Variants in CNTN5 observed in about 807,000 individuals in gnomAD.
CNTN5 encodes contactin 5.
A neutral mutation model predicts 129.1 loss-of-function variants in CNTN5; 77 were observed. That is an observed-to-expected ratio of 0.60 (90% CI 0.50 to 0.72). CNTN5 has a LOEUF of 0.72. Ranked by LOEUF, CNTN5 falls within the 30% of genes least tolerant of loss-of-function variation. The pLI, the probability that CNTN5 is intolerant of heterozygous loss-of-function variation, is 0.00. For missense variants in CNTN5, 1,478 were observed against 1,328.8 expected (o/e 1.11, Z -1.75); for synonymous variants, 509 against 465.6 (o/e 1.09, Z -1.20).
At chr11:100,132,015 A>C (rs1946393234) in intron 13 of CNTN5, among the ~76,000 whole-genome samples, 1 of 152,098 alleles carries the variant, frequency 6.6e-6, no homozygotes, top group Non-Finnish European at 1.5e-5. Flanking sequence ...TTAGAGAGAC[A>C]ACAGATTCAT....
At chr11:99,114,053 CA>C (rs1857924649) in intron 1 of CNTN5, among the ~76,000 whole-genome samples, 1 of 152,082 alleles carries the variant, frequency 6.6e-6, no homozygotes, top group African/African-American at 2.4e-5. Context: ...TAGTCCTTGT[CA>C]GTAGTGATTT....
chr11:99,379,535 A>G (rs11219682), intron 2 of CNTN5, among the ~76,000 whole-genome samples: 33,594 of 152,134 alleles, frequency 0.22, 3,695 homozygotes, highest in South Asian at 0.32. Flanking sequence ...TGAAAGTTGT[A>G]TTCTGACCCA....
intron 18 of CNTN5, among the ~76,000 whole-genome samples, chr11:100,274,918 A>G (rs1027366154): frequency 4.6e-5 from 7 of 152,350 alleles, no homozygotes; most frequent in Non-Finnish European, 8.8e-5. Context: ...CTGGGTGATG[A>G]AATAATCTGT....
chr11:100,201,704 G>C (rs1411694658), intron 15 of CNTN5, among the ~76,000 whole-genome samples: 2 of 151,926 alleles, frequency 1.3e-5, no homozygotes, highest in African/African-American at 4.8e-5. Context: ...GATAACTAAT[G>C]TGTCAACTTT....
chr11:100,165,365 C>T (rs1480748103), intron 13 of CNTN5, among the ~76,000 whole-genome samples: 1 of 151,576 alleles, frequency 6.6e-6, no homozygotes, highest in Non-Finnish European at 1.5e-5. Context: ...ATAGCAGGTG[C>T]TCAATAAGTA....
intron 1 of CNTN5, among the ~76,000 whole-genome samples, chr11:99,064,391 G>C (rs1865016519): frequency 6.6e-6 from 1 of 152,058 alleles, no homozygotes; most frequent in Admixed American, 6.6e-5. Context: ...GCAGCATGTA[G>C]GGAAAGAGCA....
intron 13 of CNTN5, among the ~76,000 whole-genome samples, chr11:100,137,216 A>AAAT (rs1040540537): frequency 3.6e-4 from 55 of 152,096 alleles, no homozygotes; most frequent in African/African-American, 1.3e-3. Flanking sequence ...GTGTTGCACA[A>AAAT]AATAAAATGT....
intron 1 of CNTN5, among the ~76,000 whole-genome samples, chr11:99,076,584 A>G (rs1053981410): frequency 1.3e-5 from 2 of 152,168 alleles, no homozygotes; most frequent in African/African-American, 4.8e-5. Flanking sequence ...AAAGATAAAA[A>G]GCACTGAAGC....
chr11:100,149,943 G>A (rs1947000161), intron 13 of CNTN5, among the ~76,000 whole-genome samples: 1 of 151,094 alleles, frequency 6.6e-6, no homozygotes, highest in African/African-American at 2.4e-5. Context: ...ATGGGGTAGA[G>A]CTCTTCTCAA....
chr11:100,235,853 G>A (rs72985615), intron 16 of CNTN5, among the ~76,000 whole-genome samples: 2 of 152,094 alleles, frequency 1.3e-5, no homozygotes, highest in African/African-American at 2.4e-5. Flanking sequence ...CTTCACTTTC[G>A]TTTTTTGAGG....
intron 2 of CNTN5, among the ~76,000 whole-genome samples, chr11:99,353,914 C>T (rs192988205): frequency 2.4e-4 from 36 of 152,248 alleles, no homozygotes; most frequent in African/African-American, 7.9e-4. Flanking sequence ...AAAACGTTTA[C>T]CCCACGTGAA....
chr11:99,488,333 C>T lies in CNTN5; in HGVS notation c.-70-67812C>T, dbSNP rs534887527. Among the ~76,000 whole-genome samples the T allele has an allele frequency of 1.3e-3, 193 of 149,790 alleles. 1 individual carries two copies. The highest frequency in any genetic ancestry group is 3.9e-3 in the African/African-American group (161 of 40,990). On this transcript the variant is annotated intron_variant, in intron 2 of 24. Coordinates refer to ENST00000524871, the MANE Select transcript of CNTN5 (RefSeq NM_014361.4). ...AACTATAGGCATGCACCACCATGGC[C>T]GGCTAATTTTTGTATTTTTAGTAGA...
At chr11:100,325,066 A>G (rs1373380784) in intron 21 of CNTN5, among the ~76,000 whole-genome samples, 2 of 152,142 alleles carry the variant, frequency 1.3e-5, no homozygotes, top group Non-Finnish European at 2.9e-5. Context: ...GATGAACTAA[A>G]TTGACGCAAG....
At chr11:99,598,837 A>G (rs1475073424) in intron 3 of CNTN5, among the ~76,000 whole-genome samples, 1 of 152,064 alleles carries the variant, frequency 6.6e-6, no homozygotes, top group African/African-American at 2.4e-5. Flanking sequence ...AATATGCAGG[A>G]AAAACACCAT....
chr11:99,899,327 A>G (rs1053912084), intron 6 of CNTN5, among the ~76,000 whole-genome samples: 1 of 151,920 alleles, frequency 6.6e-6, no homozygotes. Flanking sequence ...AATGGTTTCA[A>G]CTTTTCCCTG....
chr11:100,050,205 G>A (rs1319029693), intron 9 of CNTN5, among the ~76,000 whole-genome samples: 3 of 152,276 alleles, frequency 2.0e-5, no homozygotes, highest in Non-Finnish European at 2.9e-5. Context: ...ATTCACAATA[G>A]CAAAGAATTG....
intron 1 of CNTN5, among the ~76,000 whole-genome samples, chr11:99,234,345 CAGA>C (rs1231556095): frequency 2.0e-5 from 3 of 152,044 alleles, no homozygotes; most frequent in Non-Finnish European, 4.4e-5. Context: ...TACATGAAGA[CAGA>C]AGGAGGGCCA....
intron 21 of CNTN5, among the ~76,000 whole-genome samples, chr11:100,329,565 G>A (rs145096097): frequency 6.6e-6 from 1 of 152,178 alleles, no homozygotes; most frequent in South Asian, 2.1e-4. Context: ...GACCTTCACA[G>A]TGTCCACTTC....
chr11:100,000,424 C>T (rs1939783911), intron 8 of CNTN5, among the ~76,000 whole-genome samples: 1 of 152,206 alleles, frequency 6.6e-6, no homozygotes, highest in African/African-American at 2.4e-5. Context: ...CCATGTCTCA[C>T]ATGTAGGGCA....
Sources: allele counts gnomAD v4.1 joint callset (sites outside exome capture counted in the v4.1 genomes callset), GRCh38; gene constraint gnomAD v4.1.1; transcripts MANE v1.5; gene names NCBI Gene and HGNC (gene_info 2026-07-23, HGNC 2026-07-21).